The following CSMD3 variants were observed in gnomAD, a reference collection of about 807,000 sequenced individuals.
CSMD3 encodes the protein CUB and Sushi multiple domains 3.
CSMD3 carries 177 observed loss-of-function variants against 435.2 expected under a neutral mutation model. That is an observed-to-expected ratio of 0.41 (90% CI 0.36 to 0.46). The LOEUF (loss-of-function observed/expected upper bound fraction) is 0.46. Ranked by LOEUF, CSMD3 falls within the 20% of genes least tolerant of loss-of-function variation. The probability of loss-of-function intolerance (pLI) is 0.34; values close to 1 mark genes in which losing one functional copy is unlikely to be tolerated. For synonymous variants in CSMD3, 1,656 were observed against 1,520.5 expected (o/e 1.09, Z -2.07); for missense variants, 4,265 against 4,504.6 (o/e 0.95, Z 1.52).
At chr8:112,238,682 G>C (rs1586491450) in intron 66 of CSMD3, among the ~76,000 whole-genome samples, 1 of 93,672 alleles carries the variant, frequency 1.1e-5, no homozygotes, top group African/African-American at 3.0e-5. Flanking sequence ...TTTAGAGTTT[G>C]TTAAGAATTT....
intron 32 of CSMD3, among the ~76,000 whole-genome samples, chr8:112,435,772 T>C (rs1188432595): frequency 6.6e-6 from 1 of 152,082 alleles, no homozygotes; most frequent in Non-Finnish European, 1.5e-5. Flanking sequence ...TTAAAAACTG[T>C]GTCTGATATA....
chr8:113,124,879 C>T (rs1383295229), intron 4 of CSMD3, among the ~76,000 whole-genome samples: 1 of 151,808 alleles, frequency 6.6e-6, no homozygotes, highest in Non-Finnish European at 1.5e-5. Flanking sequence ...GATATGTTTT[C>T]CTATTCAGTC....
rs182741273 is a variant in CSMD3 at position 112,494,183 on chromosome 8, C to T, written c.5084-1500G>A. On this transcript the variant is annotated intron_variant, in intron 30 of 70. Transcript: ENST00000297405. ...ACACTATATATAATTTCTCCCAATT[C>T]AACTAAAGAGGAAGTGGTAGAACCA... 1.4e-3 allele frequency among the ~76,000 whole-genome samples: 208 copies of T among 152,094 alleles called. 2 individuals carry two copies. Among genetic ancestry groups the T allele is most frequent in the Non-Finnish European group, 5.4e-4 (37 of 67,926 alleles).
intron 24 of CSMD3, among the ~76,000 whole-genome samples, chr8:112,557,854 C>T (rs1828261165): frequency 6.6e-6 from 1 of 151,892 alleles, no homozygotes; most frequent in Non-Finnish European, 1.5e-5. Context: ...AATTATCAAA[C>T]TCAAGGAGGA....
chr8:112,923,461 T>A (rs574737086), intron 9 of CSMD3, among the ~76,000 whole-genome samples: 1 of 152,292 alleles, frequency 6.6e-6, no homozygotes, highest in South Asian at 2.1e-4. Flanking sequence ...GGCTTGAAGA[T>A]ATTAAGCATG....
At chr8:112,425,702 C>T (rs1812992003) in intron 32 of CSMD3, among the ~76,000 whole-genome samples, 1 of 152,046 alleles carries the variant, frequency 6.6e-6, no homozygotes, top group South Asian at 2.1e-4. Flanking sequence ...TTTTAACATT[C>T]CCCACTGTGG....
At chr8:112,772,810 T>G (rs1167767963) in intron 13 of CSMD3, among the ~76,000 whole-genome samples, 1 of 152,090 alleles carries the variant, frequency 6.6e-6, no homozygotes, top group East Asian at 1.9e-4. Flanking sequence ...TGCATTGAGA[T>G]GTTTATGTAT....
Position 112,265,370 on chromosome 8 carries a change from CT to C in CSMD3, c.9688+40del, listed in dbSNP as rs1586588550. 2.7e-6 allele frequency: 4 copies of C among 1,458,166 alleles called. No individual in the cohort carries two copies. In the East Asian group the frequency reaches 9.1e-5, roughly 33 times the overall value. 90.3% of individuals were successfully genotyped at this position (1,458,166 alleles called of 1,614,324 possible). On this transcript the variant is annotated intron_variant, in intron 60 of 70. Transcript: ENST00000297405. The stretch of plus-strand genomic sequence containing the variant: ...GTATATAAAAATAAGAAAATATGTA[CT>C]GGTTACCATTTTTAAATGTTGAAGA...
intron 1 of CSMD3, among the ~76,000 whole-genome samples, chr8:113,338,368 G>C (rs950776375): frequency 1.3e-5 from 2 of 151,862 alleles, no homozygotes; most frequent in African/African-American, 4.8e-5. Flanking sequence ...ATCTGACCCA[G>C]AAATTCCATT....
chr8:112,939,561 C>T (rs533160848), intron 9 of CSMD3, among the ~76,000 whole-genome samples: 98 of 152,158 alleles, frequency 6.4e-4, no homozygotes, highest in African/African-American at 2.2e-3. Context: ...GTAAGTTCAT[C>T]TGATTCCAAA....
intron 41 of CSMD3, among the ~76,000 whole-genome samples, chr8:112,342,997 A>ATT (rs1208396111): frequency 2.6e-4 from 9 of 34,012 alleles, no homozygotes; most frequent in South Asian, 9.7e-4. Flanking sequence ...TTATATATAT[A>ATT]TATTTATATA....
intron 37 of CSMD3, among the ~76,000 whole-genome samples, chr8:112,382,096 T>A (rs1356582314): frequency 6.6e-6 from 1 of 151,856 alleles, no homozygotes. Context: ...CTAGGCAACA[T>A]AGCGAGACCT....
intron 1 of CSMD3, among the ~76,000 whole-genome samples, chr8:113,360,830 C>T (rs887267072): frequency 1.3e-5 from 2 of 152,058 alleles, no homozygotes; most frequent in Non-Finnish European, 2.9e-5. Context: ...GCCTCGGCCT[C>T]CCAAAGTGCT....
intron 32 of CSMD3, among the ~76,000 whole-genome samples, chr8:112,421,593 T>G (rs1812510414): frequency 6.8e-6 from 1 of 146,962 alleles, no homozygotes; most frequent in Admixed American, 6.9e-5. Context: ...TAATATATAT[T>G]ACATATAATA....
At chr8:113,107,281 C>T (rs1412773473) in intron 4 of CSMD3, among the ~76,000 whole-genome samples, 1 of 152,174 alleles carries the variant, frequency 6.6e-6, no homozygotes, top group Non-Finnish European at 1.5e-5. Flanking sequence ...ACACAATATG[C>T]CATGCCTGGC....
intron 5 of CSMD3, among the ~76,000 whole-genome samples, chr8:113,072,629 G>T (rs1356698452): frequency 6.6e-6 from 1 of 151,528 alleles, no homozygotes; most frequent in Non-Finnish European, 1.5e-5. Flanking sequence ...TTCCCTTTTG[G>T]TAATCTTTCA....
At chr8:113,374,605 G>A (rs1157088037) in intron 1 of CSMD3, among the ~76,000 whole-genome samples, 2 of 151,842 alleles carry the variant, frequency 1.3e-5, no homozygotes, top group Non-Finnish European at 2.9e-5. Context: ...CACATTTTTG[G>A]AGTAAGACAT....
chr8:113,169,476 T>C (rs1314830638), intron 4 of CSMD3, among the ~76,000 whole-genome samples: 1 of 152,096 alleles, frequency 6.6e-6, no homozygotes, highest in Non-Finnish European at 1.5e-5. Context: ...TCATATGCAT[T>C]CCAAGTTCTT....
At chr8:112,790,189 G>A (rs1351948902) in intron 13 of CSMD3, among the ~76,000 whole-genome samples, 1 of 151,786 alleles carries the variant, frequency 6.6e-6, no homozygotes, top group African/African-American at 2.4e-5. Context: ...ACATAAAAAC[G>A]ACTCTTGCCA....
Sources: allele counts gnomAD v4.1 joint callset (sites outside exome capture counted in the v4.1 genomes callset), GRCh38; gene constraint gnomAD v4.1.1; transcripts MANE v1.5; gene names NCBI Gene and HGNC (gene_info 2026-07-23, HGNC 2026-07-21).